Variants in LHFPL1 observed in about 807,000 individuals in gnomAD.
The protein encoded by LHFPL1 is LHFPL tetraspan subfamily member 1 protein.
A neutral mutation model predicts 12.1 loss-of-function variants in LHFPL1; 4 were observed. That is an observed-to-expected ratio of 0.33 (90% CI 0.16 to 0.76). The LOEUF is 0.76. Ranked by LOEUF, LHFPL1 falls within the 30% of genes least tolerant of loss-of-function variation. The probability of loss-of-function intolerance (pLI) is 0.61; values close to 1 mark genes in which losing one functional copy is unlikely to be tolerated. For missense variants in LHFPL1, 141 were observed against 174.1 expected (o/e 0.81, Z 1.07); for synonymous variants, 52 against 61.9 (o/e 0.84, Z 0.75).
At chrX:112,644,716 A>G (rs1930637383) in intron 3 of LHFPL1, among the ~76,000 whole-genome samples, 1 of 111,693 alleles carries the variant, frequency 9.0e-6, no homozygotes, top group African/African-American at 3.3e-5. Context: ...AGGAAAATCA[A>G]AACCCAGGTG....
At chrX:112,664,300 GA>G (rs1213705051) in intron 2 of LHFPL1, among the ~76,000 whole-genome samples, 2 of 111,857 alleles carry the variant, frequency 1.8e-5, no homozygotes, top group African/African-American at 6.5e-5. Flanking sequence ...AAGTGCTCAA[GA>G]AAAATTTATT....
intron 3 of LHFPL1, among the ~76,000 whole-genome samples, chrX:112,659,779 C>T (rs956410110): frequency 8.9e-6 from 1 of 111,845 alleles, no homozygotes; most frequent in Non-Finnish European, 1.9e-5. Flanking sequence ...GAGTGAAGAA[C>T]ACTGGACATT....
At chrX:112,659,562 T>C (rs1931114740) in intron 3 of LHFPL1, among the ~76,000 whole-genome samples, 1 of 111,855 alleles carries the variant, frequency 8.9e-6, no homozygotes, top group Non-Finnish European at 1.9e-5. Context: ...CATTTGATAA[T>C]ATAAGAATTA....
intron 2 of LHFPL1, among the ~76,000 whole-genome samples, chrX:112,666,105 T>C (rs1158067996): frequency 8.9e-6 from 1 of 112,231 alleles, no homozygotes; most frequent in Non-Finnish European, 1.9e-5. Context: ...AATTCCCTTG[T>C]CTTTGCATAG....
At chrX:112,643,643 G>T (rs1277365809) in intron 3 of LHFPL1, among the ~76,000 whole-genome samples, 1 of 111,306 alleles carries the variant, frequency 9.0e-6, no homozygotes, top group Non-Finnish European at 1.9e-5. Flanking sequence ...TAGACACGTG[G>T]GGATTATTAC....
At chrX:112,641,565 G>T (rs780362269) in intron 3 of LHFPL1, among the ~76,000 whole-genome samples, 1 of 112,236 alleles carries the variant, frequency 8.9e-6, no homozygotes, top group Non-Finnish European at 1.9e-5. Flanking sequence ...TTCTCCGTGA[G>T]TAAAATGGAA....
intron 3 of LHFPL1, among the ~76,000 whole-genome samples, chrX:112,653,408 C>T (rs1930909314): frequency 8.9e-6 from 1 of 111,735 alleles, no homozygotes; most frequent in Admixed American, 9.5e-5. Context: ...CTCTAACTGT[C>T]ATCAAGGTTT....
At chrX:112,640,871 G>C (rs376533358) in intron 3 of LHFPL1, among the ~76,000 whole-genome samples, 29 of 111,029 alleles carry the variant, frequency 2.6e-4, no homozygotes, top group African/African-American at 8.5e-4. Flanking sequence ...TTAACTACAG[G>C]CTTGTTGAAG....
chrX:112,665,038 G>A (rs1347232730), intron 2 of LHFPL1, among the ~76,000 whole-genome samples: 1 of 111,865 alleles, frequency 8.9e-6, no homozygotes, highest in African/African-American at 3.3e-5. Context: ...AAGAGCAGAA[G>A]CTCTGGTGGC....
chrX:112,632,395 T>C (rs1930215787), intron 3 of LHFPL1, among the ~76,000 whole-genome samples: 1 of 111,976 alleles, frequency 8.9e-6, no homozygotes, highest in African/African-American at 3.3e-5. Flanking sequence ...GATTTGTGAC[T>C]TTTCAGCCAT....
chrX:112,662,706 C>T (rs1317206912), intron 2 of LHFPL1, among the ~76,000 whole-genome samples: 1 of 111,970 alleles, frequency 8.9e-6, no homozygotes, highest in Non-Finnish European at 1.9e-5. Context: ...AAACTGGTCA[C>T]TCAAAGACCT....
chrX:112,634,431 A>G (rs770091182), intron 3 of LHFPL1, among the ~76,000 whole-genome samples: 9 of 111,520 alleles, frequency 8.1e-5, no homozygotes, highest in Admixed American at 6.6e-4. Context: ...CCCATTGCCA[A>G]GCAACTTCAT....
chrX:112,643,378 C>CAAAAAAAAAAAA (rs1164744066), intron 3 of LHFPL1, among the ~76,000 whole-genome samples: 1 of 38,948 alleles, frequency 2.6e-5, no homozygotes, highest in African/African-American at 8.8e-5. Flanking sequence ...GACTCCGTCT[C>CAAAAAAAAAAAA]AAAAAAAAAA....
At chrX:112,641,151 C>T (rs896068798) in intron 3 of LHFPL1, among the ~76,000 whole-genome samples, 8 of 111,580 alleles carry the variant, frequency 7.2e-5, no homozygotes, top group Middle Eastern at 4.7e-3. Flanking sequence ...TATCAGCCAA[C>T]GGATATACAC....
At chrX:112,651,657 TA>T (rs373394259) in intron 3 of LHFPL1, among the ~76,000 whole-genome samples, 2 of 111,826 alleles carry the variant, frequency 1.8e-5, no homozygotes, top group African/African-American at 6.5e-5. Flanking sequence ...GATTACACTT[TA>T]AAATATATTT....
rs1930898134 is a variant in LHFPL1, at chrX:112,653,004, T to C, written c.481+7623A>G. Among the ~76,000 whole-genome samples the C allele has an allele frequency of 5.4e-5, 6 of 111,628 alleles. 1 individual carries two copies. The Middle Eastern group carries it at 0.018, about 340-fold the overall frequency. Reference sequence around the variant, plus strand: ...ATATAGAAAGATTCAAACATATTGGTAAGGTTTTATTTTCTAACCTGGAAT... The same window carrying C: ...ATATAGAAAGATTCAAACATATTGGCAAGGTTTTATTTTCTAACCTGGAAT... On this transcript the variant is annotated intron_variant, in intron 3 of 3. Transcript: ENST00000371968.
intron 2 of LHFPL1, among the ~76,000 whole-genome samples, chrX:112,661,232 T>C (rs1440458707): frequency 9.0e-6 from 1 of 111,335 alleles, no homozygotes; most frequent in Non-Finnish European, 1.9e-5. Context: ...TCATTCCAGC[T>C]TTATACCAAG....
At chrX:112,644,727 C>T (rs1357051334) in intron 3 of LHFPL1, among the ~76,000 whole-genome samples, 2 of 111,710 alleles carry the variant, frequency 1.8e-5, no homozygotes, top group Admixed American at 1.9e-4. Context: ...AACCCAGGTG[C>T]CCTGATACCC....
chrX:112,655,520 T>C (rs957176764), intron 3 of LHFPL1, among the ~76,000 whole-genome samples: 1 of 112,064 alleles, frequency 8.9e-6, no homozygotes, highest in African/African-American at 3.2e-5. Context: ...GCAGAAAGCC[T>C]ATCAGAGTAG....
Sources: allele counts gnomAD v4.1 joint callset (sites outside exome capture counted in the v4.1 genomes callset), GRCh38; gene constraint gnomAD v4.1.1; transcripts MANE v1.5; gene names NCBI Gene and HGNC (gene_info 2026-07-23, HGNC 2026-07-21).